Variants in SFMBT2 observed in about 807,000 individuals in gnomAD.
SFMBT2 encodes scm-like with four MBT domains protein 2.
In SFMBT2, 38 loss-of-function variants were observed where a neutral mutation model predicts 110.1. The observed-to-expected ratio is 0.35, with a 90% confidence interval of 0.27 to 0.45. SFMBT2 has a LOEUF of 0.45. Ranked by LOEUF, SFMBT2 falls within the 20% of genes least tolerant of loss-of-function variation. SFMBT2 has a pLI of 1.00. For synonymous variants in SFMBT2, 425 were observed against 425.4 expected (o/e 1.00, Z 0.01); for missense variants, 1,011 against 1,094.9 (o/e 0.92, Z 1.08).
intron 9 of SFMBT2, among the ~76,000 whole-genome samples, chr10:7,233,906 C>T (rs1341850367): frequency 6.6e-6 from 1 of 152,222 alleles, no homozygotes; most frequent in African/African-American, 2.4e-5. Context: ...GTCCCAGGAG[C>T]CAGTCTGTCT....
At chr10:7,186,477 A>C (rs1436350836) in intron 16 of SFMBT2, among the ~76,000 whole-genome samples, 1 of 108,380 alleles carries the variant, frequency 9.2e-6, no homozygotes, top group African/African-American at 3.9e-5. Flanking sequence ...TATATATAAA[A>C]ATATTTTATT....
intron 4 of SFMBT2, among the ~76,000 whole-genome samples, chr10:7,296,561 T>TGA (rs1191135581): frequency 6.6e-6 from 1 of 152,230 alleles, no homozygotes; most frequent in Non-Finnish European, 1.5e-5. Context: ...GTTAGGTCTA[T>TGA]GAGAAAGAGA....
chr10:7,189,624 A>G (rs1838535295), intron 15 of SFMBT2, among the ~76,000 whole-genome samples: 1 of 152,322 alleles, frequency 6.6e-6, no homozygotes, highest in East Asian at 1.9e-4. Flanking sequence ...GCAGAGGCCT[A>G]TGGTGTGGAG....
At chr10:7,368,467 A>T (rs1177174683) in intron 3 of SFMBT2, 3 of 511,222 alleles carry the variant, frequency 5.9e-6, no homozygotes, top group Non-Finnish European at 7.6e-6. Flanking sequence ...GCAAGTGGCC[A>T]CTGCTGAAAG....
rs745644077 is a variant in SFMBT2 at position 7,243,641 on chromosome 10, G to A, written c.1037C>T (p.Ser346Leu). Residue 346 changes from serine to leucine, a missense_variant, in exon 9 of 21, where the codon TCA (serine) becomes TTA (leucine). By Grantham distance (145) the Ser-to-Leu change is moderately radical. Around this residue, in one of 2 missense-constraint regions of SFMBT2, gnomAD observed 979 missense variants for 1,016.1 expected, o/e 0.96. Transcript: ENST00000397167. Reference protein sequence around the residue: ...DDLRPEPSKLSMLCHADSLGI... With the variant: ...DDLRPEPSKLLMLCHADSLGI... ...CAAAGAATCTGCATGGCACAGCATT[G>A]ACAGTTTACTTGGTTCAGGTCTTAG... The A allele has an allele frequency of 1.1e-6, 1 of 872,750 alleles. No individual in the cohort carries two copies. The highest frequency in any genetic ancestry group is 1.6e-5 in the African/African-American group (1 of 61,304). The allele number at this position is 872,750 out of a possible 1,614,324, so 54.1% of individuals were successfully genotyped here.
intron 11 of SFMBT2, chr10:7,207,604 C>T (rs1839195131): frequency 6.1e-6 from 6 of 984,280 alleles, no homozygotes; most frequent in Non-Finnish European, 7.2e-6. Flanking sequence ...CCATCCAAGT[C>T]ATCTCATAAC....
In SFMBT2 at chr10:7,408,565, C is replaced by T. The variant is rs1057456363; in HGVS notation, c.-52+2296G>A. ...AGGAGGTCCTCCCACCTGCCCCCGC[C>T]AGCCCCGGGGACCGTGCGCGGCCTC... On this transcript the variant is annotated intron_variant, in intron 1 of 20. Transcript: ENST00000397167. This position sits in a 1 kb window ranked among gnomAD's most constrained non-coding sequence, Gnocchi z 5.7. Among the ~76,000 whole-genome samples the T allele has an allele frequency of 1.3e-5, 2 of 152,212 alleles. No individual in the cohort carries two copies. Among genetic ancestry groups the T allele is most frequent in the Admixed American group, 6.5e-5 (1 of 15,292 alleles).
chr10:7,298,770 CGTGTGTGTGTGT>C (rs920024680), intron 4 of SFMBT2, among the ~76,000 whole-genome samples: 1 of 150,900 alleles, frequency 6.6e-6, no homozygotes, highest in Admixed American at 6.6e-5. Context: ...TGTGTGTGTT[CGTGTGTGTGTGT>C]GTATATGTGT....
At chr10:7,397,501 A>AAT in intron 1 of SFMBT2, among the ~76,000 whole-genome samples, 1 of 152,258 alleles carries the variant, frequency 6.6e-6, no homozygotes, top group Non-Finnish European at 1.5e-5. Flanking sequence ...AGCACGTCTA[A>AAT]ATCAAAGAGA....
rs556680411 is a variant in SFMBT2 at position 7,228,039 on chromosome 10, T to C, written c.1121-102A>G. ...GAAAGTTTAGGCTCCCAAAAGATAA[T>C]GTCCTCTGATGCCTAACAGCACTTC... On this transcript the variant is annotated intron_variant, in intron 9 of 20. Transcript: ENST00000397167. The C allele has an allele frequency of 1.1e-5, 8 of 738,566 alleles. No homozygotes were observed. In the East Asian group the frequency reaches 2.3e-4, roughly 22 times the overall value. The allele number at this position is 738,566 out of a possible 1,614,324, so 45.8% of individuals were successfully genotyped here. A position where few individuals can be genotyped will look rare whatever the true frequency, so the allele number is the denominator to read the frequency against.
chr10:7,259,861 G>A (rs1841139940), intron 7 of SFMBT2, among the ~76,000 whole-genome samples: 5 of 152,156 alleles, frequency 3.3e-5, no homozygotes, highest in Admixed American at 2.0e-4. Context: ...AGCAAGAACT[G>A]GAAATTCACA....
chr10:7,324,382 AGTAAGAG>A lies in SFMBT2; in HGVS notation c.437-38435_437-38429del, dbSNP rs529758828. Among the ~76,000 whole-genome samples the A allele has an allele frequency of 1.5e-3, 229 of 152,286 alleles. 3 individuals carry two copies. The highest frequency in any genetic ancestry group is 5.1e-3 in the African/African-American group (212 of 41,554). On this transcript the variant is annotated intron_variant, in intron 4 of 20. Coordinates refer to ENST00000397167, the MANE Select transcript of SFMBT2 (RefSeq NM_001387889.1). ...AACGTTGAAAAATAATGGAATAAGGAGTAAGAGGTGATGGTGCAGAGTGAAGAGCCAG... is the reference window on the plus strand; with the variant it reads ...AACGTTGAAAAATAATGGAATAAGGAGTGATGGTGCAGAGTGAAGAGCCAG...
At chr10:7,332,015 C>CAA (rs1491320070) in intron 4 of SFMBT2, among the ~76,000 whole-genome samples, 132 of 35,426 alleles carry the variant, frequency 3.7e-3, no homozygotes, top group Middle Eastern at 0.014. Flanking sequence ...GACTCTGTCT[C>CAA]AAAAAAAAAA....
chr10:7,304,417 A>G (rs1387045473), intron 4 of SFMBT2, among the ~76,000 whole-genome samples: 1 of 152,128 alleles, frequency 6.6e-6, no homozygotes, highest in Non-Finnish European at 1.5e-5. Context: ...TTTATATACA[A>G]ATTACCCAGT....
At chr10:7,210,700 C>T (rs142786355) in intron 11 of SFMBT2, among the ~76,000 whole-genome samples, 2,476 of 152,350 alleles carry the variant, frequency 0.016, 33 homozygotes, top group Admixed American at 0.021. Context: ...AAGACCTGGA[C>T]GCTGGAAGCC....
chr10:7,269,515 G>A (rs1841503942), intron 7 of SFMBT2, among the ~76,000 whole-genome samples: 1 of 152,190 alleles, frequency 6.6e-6, no homozygotes, highest in African/African-American at 2.4e-5. Context: ...GCCATTAAAT[G>A]TGCTTAGCTT....
At chr10:7,164,988 A>T (rs373960132) in intron 20 of SFMBT2, among the ~76,000 whole-genome samples, 1 of 152,276 alleles carries the variant, frequency 6.6e-6, no homozygotes, top group Non-Finnish European at 1.5e-5. Flanking sequence ...TCCACTGGAC[A>T]TCTCTGTCTC....
At chr10:7,384,940 A>T (rs1192508568) in intron 1 of SFMBT2, among the ~76,000 whole-genome samples, 1 of 152,186 alleles carries the variant, frequency 6.6e-6, no homozygotes, top group Non-Finnish European at 1.5e-5. Context: ...TTGTCTCAGA[A>T]GGTTCCAGAG....
intron 1 of SFMBT2, among the ~76,000 whole-genome samples, chr10:7,396,942 T>A (rs982416606): frequency 2.0e-5 from 3 of 149,092 alleles, no homozygotes; most frequent in Admixed American, 1.3e-4. Flanking sequence ...CATTAGGAGA[T>A]ATACCTAATG....
Sources: allele counts gnomAD v4.1 joint callset (sites outside exome capture counted in the v4.1 genomes callset), GRCh38; gene constraint gnomAD v4.1.1; regional missense constraint gnomAD v4.1.1; non-coding constraint Gnocchi (gnomAD v3.1); transcripts MANE v1.5; gene names NCBI Gene and HGNC (gene_info 2026-07-23, HGNC 2026-07-21).